Variants in ARHGEF10L observed in about 807,000 individuals in gnomAD.
ARHGEF10L encodes Rho guanine nucleotide exchange factor 10 like, also known as rho guanine nucleotide exchange factor 10-like protein.
In ARHGEF10L, 69 loss-of-function variants were observed where a neutral mutation model predicts 141.2. The observed-to-expected ratio is 0.49, with a 90% confidence interval of 0.40 to 0.60. The LOEUF is 0.60. Among genes scored for constraint, ARHGEF10L ranks in the 20% least tolerant of loss-of-function variants. The pLI is 0.00. For synonymous variants in ARHGEF10L, 711 were observed against 718.5 expected, an observed-to-expected ratio of 0.99 and a Z score of 0.17; for missense variants, 1,482 against 1,734.3, an observed-to-expected ratio of 0.85 and a Z score of 2.58.
chr1:17,667,647 G>T (rs975454799), intron 26 of ARHGEF10L, among the ~76,000 whole-genome samples: 4 of 152,220 alleles, frequency 2.6e-5, no homozygotes, highest in African/African-American at 9.6e-5. Context: ...TAATGAAAGG[G>T]TCTGGAGGGA....
In ARHGEF10L at chr1:17,539,724, A is replaced by T. The variant is rs2076644091; in HGVS notation, c.-270A>T. On this transcript the variant is annotated 5_prime_UTR_variant, in exon 1 of 29. Coordinates refer to ENST00000361221, the MANE Select transcript of ARHGEF10L (RefSeq NM_018125.4). The surrounding 1 kb of genome is among the most constrained non-coding windows in gnomAD (Gnocchi z 6.0). The stretch of plus-strand genomic sequence containing the variant: ...CGTCGCGCACGGCGGCGGCGGCGGG[A>T]CCAGGCCTCGGAGCGCGGCGGGCGC... 1 of 143,578 alleles carries T rather than the reference A, an allele frequency of 7.0e-6. No individual in the cohort carries two copies. The highest frequency in any genetic ancestry group is 2.5e-5 in the African/African-American group (1 of 39,712). The allele number at this position is 143,578 out of a possible 1,614,324, so 8.9% of individuals were successfully genotyped here. A position where few individuals can be genotyped will look rare whatever the true frequency, so the allele number is the denominator to read the frequency against.
rs1050564638 is a variant in ARHGEF10L at position 17,619,916 on chromosome 1, C to T, written c.942+471C>T. On this transcript the variant is annotated intron_variant, in intron 10 of 28. Transcript: ENST00000361221. This position sits in a 1 kb window ranked among gnomAD's most constrained non-coding sequence, Gnocchi z 5.0. ...TAAGAATGGCTTCCTTGGCTGGGTG[C>T]GGTGGCTCATGCCTGTAACCCCAGC... 7.2e-5 allele frequency among the ~76,000 whole-genome samples: 11 copies of T among 151,996 alleles called. No homozygotes were observed. The highest frequency in any genetic ancestry group is 2.0e-4 in the Admixed American group (3 of 15,258).
chr1:17,606,989 AG>A (rs1557805625), intron 6 of ARHGEF10L, among the ~76,000 whole-genome samples: 1 of 152,182 alleles, frequency 6.6e-6, no homozygotes, highest in Non-Finnish European at 1.5e-5. Flanking sequence ...CCGCAGGCTT[AG>A]GAAGGAAAGG....
At position 17,656,825 on chromosome 1, in the gene ARHGEF10L, G is replaced by T; in HGVS notation, c.2860+117G>T. The stretch of plus-strand genomic sequence containing the variant: ...CAGGAATGAATTGGGAAATCTCAGT[G>T]CTGAGGGCATTTGGAGATCCGTGAG... On this transcript the variant is annotated intron_variant, in intron 25 of 28. Transcript: ENST00000361221. This position sits in a 1 kb window ranked among gnomAD's most constrained non-coding sequence, Gnocchi z 4.9. 1.5e-6 allele frequency: 2 copies of T among 1,312,160 alleles called. No homozygotes were observed. The highest frequency in any genetic ancestry group is 2.1e-6 in the Non-Finnish European group (2 of 971,094). The allele number at this position is 1,312,160 out of a possible 1,614,324, so 81.3% of individuals were successfully genotyped here. A position where few individuals can be genotyped will look rare whatever the true frequency, so the allele number is the denominator to read the frequency against.
chr1:17,557,033 T>TAAAAAAA (rs370811589), intron 1 of ARHGEF10L, among the ~76,000 whole-genome samples: 1 of 119,082 alleles, frequency 8.4e-6, no homozygotes. Flanking sequence ...CTCCATCTCT[T>TAAAAAAA]AAAAAAAAAA....
Position 17,621,873 on chromosome 1 carries a change from A to T in ARHGEF10L, c.952A>T (p.Arg318Trp). Residue 318 changes from arginine (R) to tryptophan (W), a missense_variant, in exon 11 of 29, where the codon AGG (arginine) becomes TGG (tryptophan). Around this residue, in one of 3 missense-constraint regions of ARHGEF10L, gnomAD observed 392 missense variants for 542.1 expected, o/e 0.72. Coordinates refer to ENST00000361221, the MANE Select transcript of ARHGEF10L (RefSeq NM_018125.4). This position sits in a 1 kb window ranked among gnomAD's most constrained non-coding sequence, Gnocchi z 4.1. ...TTTTTGGCCCGAGCAGGTGGTCCGG[A>T]GGCATATCCTGGGCTCCATCGTGCA... ...EGLSPQQVVR[R>W]HILGSIVQSE... 1 of 1,614,058 alleles carries T rather than the reference A, an allele frequency of 6.2e-7. No individual in the cohort carries two copies. Among genetic ancestry groups the T allele is most frequent in the Non-Finnish European group, 8.5e-7 (1 of 1,180,010 alleles).
At chr1:17,556,721 C>T (rs1189227757) in intron 1 of ARHGEF10L, among the ~76,000 whole-genome samples, 1 of 152,150 alleles carries the variant, frequency 6.6e-6, no homozygotes, top group Admixed American at 6.5e-5. Flanking sequence ...GATTCTTGGG[C>T]CTCATCCCAA....
rs148614735 is a variant in ARHGEF10L, at chr1:17,623,110, G to T, written c.1135G>T (p.Ala379Ser). Reference protein sequence around the residue: ...ILHCHSMFQIALSSRVAEWDS... With the variant: ...ILHCHSMFQISLSSRVAEWDS... The stretch of plus-strand genomic sequence containing the variant: ...GCACTGCCACTCCATGTTCCAGATC[G>T]CCCTGTCCTCCCGCGTGGCTGAGTG... The change falls in exon 12 of 29, where the codon GCC becomes TCC. Residue 379 changes from alanine (A) to serine (S), a missense_variant. By Grantham distance (99) the Ala-to-Ser change is moderately conservative. Transcript: ENST00000361221. The surrounding 1 kb of genome is among the most constrained non-coding windows in gnomAD (Gnocchi z 4.7). 6.2e-7 allele frequency: 1 copy of T among 1,614,128 alleles called. No homozygotes were observed. The highest frequency in any genetic ancestry group is 8.5e-7 in the Non-Finnish European group (1 of 1,180,012).
chr1:17,606,053 G>A (rs1047322129), intron 6 of ARHGEF10L, among the ~76,000 whole-genome samples: 2 of 152,094 alleles, frequency 1.3e-5, no homozygotes, highest in African/African-American at 4.8e-5. Context: ...GGGTGAAGCT[G>A]GGGGGCCCTG....
At position 17,587,525 on chromosome 1, in the gene ARHGEF10L, T is replaced by A; in HGVS notation, c.103T>A (p.Phe35Ile). The A allele has an allele frequency of 6.2e-7, 1 of 1,613,814 alleles. No individual in the cohort carries two copies. Among genetic ancestry groups the A allele is most frequent in the Non-Finnish European group, 8.5e-7 (1 of 1,179,936 alleles). The change falls in exon 3 of 29, where the codon TTT (phenylalanine) becomes ATT (isoleucine). Residue 35 changes from phenylalanine (F) to isoleucine (I), a missense_variant. Coordinates refer to ENST00000361221, the MANE Select transcript of ARHGEF10L (RefSeq NM_018125.4). ...GGCAGAGGACGACCCAGGAGAGGCG[T>A]TTGAGTTTGATGACAGTGATGATGA... The part of the protein sequence containing the change: ...SEAEDDPGEA[F>I]EFDDSDDEED...
intron 26 of ARHGEF10L, among the ~76,000 whole-genome samples, chr1:17,669,702 C>T (rs992958016): frequency 4.6e-5 from 7 of 152,210 alleles, no homozygotes; most frequent in African/African-American, 9.7e-5. Flanking sequence ...CCTTCCGGGC[C>T]GAGGACTGTG....
chr1:17,603,467 A>C lies in ARHGEF10L; in HGVS notation c.350-41A>C. The C allele has an allele frequency of 6.3e-7, 1 of 1,578,744 alleles. No homozygotes were observed. Among genetic ancestry groups the C allele is most frequent in the Non-Finnish European group, 8.7e-7 (1 of 1,153,448 alleles). ...CTGCAGCACCTCTGGCCAGGCTGCC[A>C]CAGCCCACGGTGGTGCTCTCTCTCC... is the stretch of plus-strand genomic sequence containing the variant. On this transcript the variant is annotated intron_variant, in intron 5 of 28. Transcript: ENST00000361221. This position sits in a 1 kb window ranked among gnomAD's most constrained non-coding sequence, Gnocchi z 4.8.
rs573062496 is a variant in ARHGEF10L at position 17,637,795 on chromosome 1, C to T, written c.1928-93C>T. The T allele has an allele frequency of 4.8e-5, 58 of 1,204,032 alleles. 1 individual carries two copies. Among genetic ancestry groups the T allele is most frequent in the East Asian group, 4.2e-4 (16 of 38,254 alleles). The allele number at this position is 1,204,032 out of a possible 1,614,324, so 74.6% of individuals were successfully genotyped here. On this transcript the variant is annotated intron_variant, in intron 18 of 28. Coordinates refer to ENST00000361221, the MANE Select transcript of ARHGEF10L (RefSeq NM_018125.4). Reference sequence around the variant, plus strand: ...CTGGGATTACAGGCGTGAGCCACCGCGCCCAGCCTCTGGATCTTTTTTGTT... The same window carrying T: ...CTGGGATTACAGGCGTGAGCCACCGTGCCCAGCCTCTGGATCTTTTTTGTT...
intron 9 of ARHGEF10L, chr1:17,618,262 A>AACC: frequency 2.9e-6 from 2 of 684,252 alleles, no homozygotes; most frequent in South Asian, 2.0e-5. Context: ...AGCCCTCCCC[A>AACC]CCCCGCCCAC....
At chr1:17,688,157 CG>C (rs1558039415) in intron 27 of ARHGEF10L, among the ~76,000 whole-genome samples, 2 of 152,232 alleles carry the variant, frequency 1.3e-5, no homozygotes. Context: ...AGAAAGCCAA[CG>C]GGTGGTCTCT....
Position 17,627,695 on chromosome 1 carries a change from AT to A in ARHGEF10L, c.1584+196del, listed in dbSNP as rs2060464598. Among the ~76,000 whole-genome samples, 1 of 152,190 alleles carries A rather than the reference AT, an allele frequency of 6.6e-6. No homozygotes were observed. Among genetic ancestry groups the A allele is most frequent in the South Asian group, 2.1e-4 (1 of 4,828 alleles). On this transcript the variant is annotated intron_variant, in intron 15 of 28. Coordinates refer to ENST00000361221, the MANE Select transcript of ARHGEF10L (RefSeq NM_018125.4). This position sits in a 1 kb window ranked among gnomAD's most constrained non-coding sequence, Gnocchi z 4.0. ...CCCCACGTTCATTCCTGTTCATGTT[AT>A]TTTAAGATAAAAGTTCATTTTGTGC...
At chr1:17,602,983 G>A (rs1022589940) in intron 5 of ARHGEF10L, among the ~76,000 whole-genome samples, 1 of 151,984 alleles carries the variant, frequency 6.6e-6, no homozygotes, top group African/African-American at 2.4e-5. Context: ...GGGAGGAAGA[G>A]GGGGCTCTGA....
chr1:17,559,335 C>T (rs2077460561), intron 1 of ARHGEF10L, among the ~76,000 whole-genome samples: 1 of 152,144 alleles, frequency 6.6e-6, no homozygotes, highest in Admixed American at 6.5e-5. Flanking sequence ...GGAGGCAGCC[C>T]TGTCACAGGG....
chr1:17,535,280 T>G (rs2076558740), upstream of ARHGEF10L, among the ~76,000 whole-genome samples: 1 of 152,188 alleles, frequency 6.6e-6, no homozygotes, highest in Non-Finnish European at 1.5e-5. Flanking sequence ...ATTGCTGATC[T>G]GATAGGAAGC....
Sources: allele counts gnomAD v4.1 joint callset (sites outside exome capture counted in the v4.1 genomes callset), GRCh38; gene constraint gnomAD v4.1.1; regional missense constraint gnomAD v4.1.1; non-coding constraint Gnocchi (gnomAD v3.1); transcripts MANE v1.5; gene names NCBI Gene and HGNC (gene_info 2026-07-23, HGNC 2026-07-21).